ADRA1A: variants seen among roughly 807,000 people sequenced by gnomAD.
ADRA1A encodes adrenoceptor alpha 1A, also known as alpha-1A adrenergic receptor.
In ADRA1A, 31 loss-of-function variants were observed where a neutral mutation model predicts 29.6. That is an observed-to-expected ratio of 1.05 (90% CI 0.79 to 1.41). The LOEUF (loss-of-function observed/expected upper bound fraction) is 1.41. Ranked by LOEUF, ADRA1A falls within the 40% of genes most tolerant of loss-of-function variation. ADRA1A has a pLI of 0.00. For missense variants in ADRA1A, 619 were observed against 601.1 expected (o/e 1.03, Z -0.31); for synonymous variants, 311 against 254.3 (o/e 1.22, Z -2.12).
At position 26,770,390 on chromosome 8, in the gene ADRA1A, C is replaced by T. The variant is rs1806051133; in HGVS notation, c.1160G>A (p.Arg387Lys). 1 of 1,614,224 alleles carries T rather than the reference C, an allele frequency of 6.2e-7. No individual in the cohort carries two copies. The highest frequency in any genetic ancestry group is 8.5e-7 in the Non-Finnish European group (1 of 1,180,030). The change falls in exon 3 of 3, where the codon AGG (arginine) becomes AAG (lysine). Residue 387 changes from arginine to lysine, a missense_variant. Coordinates refer to ENST00000380573, the MANE Select transcript of ADRA1A (RefSeq NM_000680.4). Reference protein sequence around the residue: ...IPVGSRETFYRISKTDGVCEW... With the variant: ...IPVGSRETFYKISKTDGVCEW... ...ACAAACGCCATCCGTCTTGGAGATC[C>T]TGTAGAAGGTCTCTCTTGATCCCAC...
intron 2 of ADRA1A, among the ~76,000 whole-genome samples, chr8:26,807,890 A>G (rs977074782): frequency 6.6e-6 from 1 of 152,040 alleles, no homozygotes; most frequent in South Asian, 2.1e-4. Flanking sequence ...AAGCCTCACA[A>G]TGTGGCTCCC....
chr8:26,763,243 C>G (rs1406021812), downstream of ADRA1A, among the ~76,000 whole-genome samples: 1 of 152,164 alleles, frequency 6.6e-6, no homozygotes, highest in Non-Finnish European at 1.5e-5. The surrounding 1 kb of genome is among the most constrained non-coding windows in gnomAD (Gnocchi z 4.5). Context: ...GAGGCCTTCC[C>G]AAGGAGCCAA....
At chr8:26,830,250 C>A (rs1050104388) in intron 2 of ADRA1A, among the ~76,000 whole-genome samples, 1 of 152,202 alleles carries the variant, frequency 6.6e-6, no homozygotes, top group South Asian at 2.1e-4. Context: ...AGAGATGCTT[C>A]ATGGTTTATT....
In ADRA1A at chr8:26,824,492, C is replaced by A. The variant is rs146152077; in HGVS notation, c.883+39595G>T. On this transcript the variant is annotated intron_variant, in intron 2 of 2. Coordinates refer to ENST00000380573, the MANE Select transcript of ADRA1A (RefSeq NM_000680.4). ...GAGGATCGAACAAGGTAATGCCTGT[C>A]ACACAGCTGACCAAAATTTAAGAGC... Among the ~76,000 whole-genome samples the A allele has an allele frequency of 2.8e-3, 421 of 152,230 alleles. 8 individuals are homozygous for A. The highest frequency in any genetic ancestry group is 0.024 in the Admixed American group (360 of 15,294).
chr8:26,815,885 G>A lies in ADRA1A; in HGVS notation c.884-45219C>T, dbSNP rs1430843414. ...TAATGCTTCTCTGGAGAGGTTCCAGGGCAGAAGGAATGAGAGAAAAGGGAA... is the reference window on the plus strand; with the variant it reads ...TAATGCTTCTCTGGAGAGGTTCCAGAGCAGAAGGAATGAGAGAAAAGGGAA... On this transcript the variant is annotated intron_variant, in intron 2 of 2. Transcript: ENST00000380573. The surrounding 1 kb of genome is among the most constrained non-coding windows in gnomAD (Gnocchi z 4.2). Among the ~76,000 whole-genome samples the A allele has an allele frequency of 6.6e-6, 1 of 152,138 alleles. No homozygotes were observed. The highest frequency in any genetic ancestry group is 2.4e-5 in the African/African-American group (1 of 41,412).
chr8:26,858,951 T>G, intron 2 of ADRA1A: 5 of 940,382 alleles, frequency 5.3e-6, no homozygotes, highest in Non-Finnish European at 6.8e-6. Flanking sequence ...CCAGCCTTAG[T>G]GGAAAGAAGC....
intron 2 of ADRA1A, among the ~76,000 whole-genome samples, chr8:26,856,686 C>T (rs1813071728): frequency 6.6e-6 from 1 of 152,186 alleles, no homozygotes; most frequent in Admixed American, 6.5e-5. Flanking sequence ...CCAGAAAGAC[C>T]TTTCTACCCT....
intron 2 of ADRA1A, among the ~76,000 whole-genome samples, chr8:26,777,601 A>T (rs576634873): frequency 6.6e-6 from 1 of 152,308 alleles, no homozygotes; most frequent in East Asian, 1.9e-4. Flanking sequence ...CTCTCCATTC[A>T]TGTATCTGAG....
At chr8:26,837,042 G>A (rs1304056244) in intron 2 of ADRA1A, among the ~76,000 whole-genome samples, 1 of 151,946 alleles carries the variant, frequency 6.6e-6, no homozygotes, top group Non-Finnish European at 1.5e-5. Context: ...CTGGGTAATG[G>A]GCCCTCACCT....
At chr8:26,793,355 G>C (rs1807967017) in intron 2 of ADRA1A, among the ~76,000 whole-genome samples, 1 of 151,918 alleles carries the variant, frequency 6.6e-6, no homozygotes, top group Non-Finnish European at 1.5e-5. Flanking sequence ...AGAGCTTCAT[G>C]CAAGAAGCCA....
intron 2 of ADRA1A, among the ~76,000 whole-genome samples, chr8:26,863,363 A>G (rs569684918): frequency 1.3e-5 from 2 of 152,352 alleles, no homozygotes; most frequent in African/African-American, 4.8e-5. Flanking sequence ...TTATTTTCAA[A>G]CAGTGTTATC....
rs1408733277 is a variant in ADRA1A at position 26,821,676 on chromosome 8, C to A, written c.883+42411G>T. On this transcript the variant is annotated intron_variant, in intron 2 of 2. Transcript: ENST00000380573. This position sits in a 1 kb window ranked among gnomAD's most constrained non-coding sequence, Gnocchi z 5.6. ...CACAACCAGGATATTGACAACGATACAGTCAAGATACAGAATAGTTCCATC... is the reference window on the plus strand; with the variant it reads ...CACAACCAGGATATTGACAACGATAAAGTCAAGATACAGAATAGTTCCATC... 6.6e-6 allele frequency among the ~76,000 whole-genome samples: 1 copy of A among 152,174 alleles called. No homozygotes were observed. The highest frequency in any genetic ancestry group is 1.5e-5 in the Non-Finnish European group (1 of 68,026).
chr8:26,751,069 CA>C (rs35234230), intron 2 of ADRA1A, among the ~76,000 whole-genome samples: 27,854 of 138,210 alleles, frequency 0.2, 3,043 homozygotes, highest in East Asian at 0.44. Context: ...AACTCTGTCT[CA>C]AAAAAAAAAA....
chr8:26,847,884 G>C, intron 2 of ADRA1A, among the ~76,000 whole-genome samples: 1 of 152,190 alleles, frequency 6.6e-6, no homozygotes, highest in East Asian at 1.9e-4. Flanking sequence ...GAGTGTTCAG[G>C]ACGCAGGGTT....
chr8:26,843,577 CTA>C (rs1334600257), intron 2 of ADRA1A, among the ~76,000 whole-genome samples: 1 of 152,128 alleles, frequency 6.6e-6, no homozygotes, highest in Non-Finnish European at 1.5e-5. Context: ...GCAGTTAAAA[CTA>C]TGTAGACAAA....
intron 2 of ADRA1A, among the ~76,000 whole-genome samples, chr8:26,795,170 T>C (rs1808108737): frequency 1.3e-5 from 2 of 151,954 alleles, no homozygotes; most frequent in African/African-American, 4.8e-5. Context: ...CCAGGAAACA[T>C]ACAAGAACAG....
intron 2 of ADRA1A, chr8:26,859,292 T>A (rs1468272221): frequency 4.6e-5 from 42 of 915,358 alleles, no homozygotes; most frequent in Non-Finnish European, 6.3e-5. Flanking sequence ...TAAAAAAACA[T>A]ATAACATCTC....
intron 2 of ADRA1A, among the ~76,000 whole-genome samples, chr8:26,816,091 T>C (rs368414985): frequency 3.3e-5 from 5 of 152,286 alleles, no homozygotes; most frequent in African/African-American, 1.2e-4. Flanking sequence ...CGAGGAGTCG[T>C]CCCTCTTAGT....
At chr8:26,759,315 T>C (rs1164570577) in intron 2 of ADRA1A, among the ~76,000 whole-genome samples, 2 of 152,180 alleles carry the variant, frequency 1.3e-5, no homozygotes, top group Non-Finnish European at 2.9e-5. Context: ...GGAATGGAGA[T>C]GAAAGCAAGC....
Sources: gnomAD v4.1 joint callset for allele counts (sites outside exome capture counted in the v4.1 genomes callset) on GRCh38, gnomAD v4.1.1 for gene constraint, Gnocchi (gnomAD v3.1) non-coding constraint, MANE v1.5 for transcripts, NCBI Gene and HGNC (gene_info 2026-07-23, HGNC 2026-07-21) for gene names.